The following POLR1B variants were observed in gnomAD, a reference collection of about 807,000 sequenced individuals.
POLR1B encodes RNA polymerase I subunit B.
POLR1B carries 30 observed loss-of-function variants against 105.8 expected under a neutral mutation model. The observed-to-expected ratio is 0.28, with a 90% CI of 0.21 to 0.38. The LOEUF is 0.38. Ranked by LOEUF, POLR1B falls within the 10% of genes least tolerant of loss-of-function variation. The pLI is 1.00. For missense variants in POLR1B, 976 were observed against 1,435.8 expected (o/e 0.68, Z 5.17); for synonymous variants, 485 against 505.1 (o/e 0.96, Z 0.53).
At chr2:112,563,795 G>C (rs542784194) in intron 9 of POLR1B, among the ~76,000 whole-genome samples, 1 of 152,114 alleles carries the variant, frequency 6.6e-6, no homozygotes, top group Non-Finnish European at 1.5e-5. Context: ...TACTCGGGAG[G>C]CTGAGGTGGG....
At chr2:112,542,222 CG>C, upstream of POLR1B, 1 of 1,535,538 alleles carries the variant, frequency 6.5e-7, no homozygotes, top group Admixed American at 2.0e-5. Flanking sequence ...CTTTCGCGAG[CG>C]GGGAGATGAG....
intron 7 of POLR1B, among the ~76,000 whole-genome samples, chr2:112,554,280 G>C (rs761611436): frequency 6.6e-6 from 1 of 151,106 alleles, no homozygotes; most frequent in Non-Finnish European, 1.5e-5. Flanking sequence ...TTACAGGCGC[G>C]TGCCACCATG....
chr2:112,563,048 CTTTTTTTTTTTTCTT>C (rs1467060367), intron 9 of POLR1B, among the ~76,000 whole-genome samples: 1 of 131,728 alleles, frequency 7.6e-6, no homozygotes, highest in African/African-American at 2.8e-5. Flanking sequence ...CAATTTCTTT[CTTTTTTTTTTTTCTT>C]TTTTTTTTTG....
intron 10 of POLR1B, among the ~76,000 whole-genome samples, chr2:112,565,116 G>A (rs1187676313): frequency 2.0e-5 from 3 of 152,130 alleles, no homozygotes; most frequent in Admixed American, 6.6e-5. Context: ...TCTACCTTTT[G>A]GTCATTGCAA....
At position 112,578,762 on chromosome 2, in the gene POLR1B, A is replaced by T. The variant is rs1251233954; in HGVS notation, c.*3033A>T. Among the ~76,000 whole-genome samples the T allele has an allele frequency of 1.3e-5, 2 of 152,070 alleles. No homozygotes were observed. The highest frequency in any genetic ancestry group is 1.3e-4 in the Admixed American group (2 of 15,260). ...TATATGTACTATATGTCCTCTATAT[A>T]TTTTTTCTATACATACATACCTTTG... On this transcript the variant is annotated 3_prime_UTR_variant, in exon 15 of 15. Coordinates refer to ENST00000263331, the MANE Select transcript of POLR1B (RefSeq NM_019014.6).
intron 8 of POLR1B, among the ~76,000 whole-genome samples, chr2:112,558,802 A>T (rs1382127394): frequency 4.0e-5 from 6 of 151,802 alleles, no homozygotes; most frequent in African/African-American, 1.5e-4. Context: ...TATTTTTTGT[A>T]GAGATGGGGT....
intron 10 of POLR1B, 84 bp from the exon 11 acceptor site, chr2:112,567,883 G>A: frequency 8.5e-7 from 1 of 1,170,704 alleles, no homozygotes; most frequent in Admixed American, 1.9e-5. Context: ...GTGTGGATGA[G>A]TGGTATTCCA....
intron 7 of POLR1B, among the ~76,000 whole-genome samples, chr2:112,554,862 A>G (rs1015186825): frequency 7.2e-5 from 11 of 151,996 alleles, no homozygotes; most frequent in African/African-American, 2.7e-4. Flanking sequence ...GACAGCACAG[A>G]GAGATCGCTA....
At chr2:112,568,211 T>TG in intron 11 of POLR1B, 74 bp downstream of exon 11, 1 of 1,416,104 alleles carries the variant, frequency 7.1e-7, no homozygotes, top group Non-Finnish European at 9.7e-7. Context: ...ACTTAACTCT[T>TG]CCTTTTTTAA....
Position 112,575,516 on chromosome 2 carries a change from G to A in POLR1B, c.3195G>A (p.Ser1065=), listed in dbSNP as rs775833933. ...HDRLFNCSDR[S]VAHVCVKCGS... ...GCCTCTTCAACTGCTCAGATCGGTC[G>A]GTAGCCCATGTGTGTGTGAAGTGTG... The change falls in exon 15 of 15, where the codon TCG becomes TCA. Residue 1065 remains serine, a synonymous_variant. Coordinates refer to ENST00000263331, the MANE Select transcript of POLR1B (RefSeq NM_019014.6). This position sits in a 1 kb window ranked among gnomAD's most constrained non-coding sequence, Gnocchi z 5.3. The A allele has an allele frequency of 9.9e-6, 16 of 1,613,954 alleles. No individual in the cohort carries two copies. The highest frequency in any genetic ancestry group is 5.0e-5 in the Admixed American group (3 of 59,974).
chr2:112,570,428 T>C (rs1007050483), intron 12 of POLR1B, among the ~76,000 whole-genome samples: 94 of 152,366 alleles, frequency 6.2e-4, no homozygotes, highest in African/African-American at 2.2e-3. Flanking sequence ...TACAGTCATG[T>C]GCCCTTAACG....
chr2:112,555,225 C>G (rs58476531), intron 7 of POLR1B, among the ~76,000 whole-genome samples: 4,859 of 151,520 alleles, frequency 0.032, 275 homozygotes, highest in African/African-American at 0.11. Context: ...TGACTGTGGT[C>G]CCAGCCACTT....
At chr2:112,547,343 C>T (rs966097695) in intron 2 of POLR1B, 78 bp from the exon 3 acceptor site, 11 of 1,516,118 alleles carry the variant, frequency 7.3e-6, no homozygotes, top group African/African-American at 2.8e-5. Flanking sequence ...TCTTCTTCCT[C>T]AGTCTTTGAA....
chr2:112,550,806 A>G (rs1683325929), intron 4 of POLR1B, 60 bp from the exon 5 acceptor site: 1 of 1,553,750 alleles, frequency 6.4e-7, no homozygotes, highest in Admixed American at 1.7e-5. Flanking sequence ...CAGAAAGAAA[A>G]TGGTTGAAGC....
chr2:112,556,236 A>G (rs1419658076), intron 7 of POLR1B, among the ~76,000 whole-genome samples: 1 of 150,068 alleles, frequency 6.7e-6, no homozygotes, highest in Non-Finnish European at 1.5e-5. Context: ...TTGATTCTCT[A>G]GTTTCACTTG....
intron 9 of POLR1B, 166 bp from the exon 10 acceptor site, chr2:112,564,200 G>A (rs573296988): frequency 2.7e-6 from 2 of 754,156 alleles, no homozygotes; most frequent in South Asian, 5.7e-5. Flanking sequence ...AAGCCTGCTT[G>A]AAATATCTGA....
At chr2:112,561,826 C>CTGTT (rs371455583) in intron 9 of POLR1B, among the ~76,000 whole-genome samples, 5,162 of 151,842 alleles carry the variant, frequency 0.034, 238 homozygotes, top group African/African-American at 0.1. Context: ...TTTGTTTTTT[C>CTGTT]TGTTTGTTTG....
intron 13 of POLR1B, among the ~76,000 whole-genome samples, chr2:112,573,228 G>A (rs532565771): frequency 6.6e-6 from 1 of 152,216 alleles, no homozygotes; most frequent in African/African-American, 2.4e-5. Flanking sequence ...TCAGCCTCTC[G>A]AATAGCTGGG....
chr2:112,564,322 A>G (rs1252914481), intron 9 of POLR1B, 44 bp from the exon 10 acceptor site: 1 of 1,601,850 alleles, frequency 6.2e-7, no homozygotes, highest in Non-Finnish European at 8.5e-7. Context: ...GGAATGTTGG[A>G]TGAAGCATTC....
Sources: gnomAD v4.1 joint callset for allele counts (sites outside exome capture counted in the v4.1 genomes callset) on GRCh38, gnomAD v4.1.1 for gene constraint, Gnocchi (gnomAD v3.1) non-coding constraint, MANE v1.5 for transcripts, NCBI Gene and HGNC (gene_info 2026-07-23, HGNC 2026-07-21) for gene names.